KCNK2: variants seen among roughly 807,000 people sequenced by gnomAD.
KCNK2 encodes the protein potassium channel subfamily K member 2.
KCNK2 carries 21 observed loss-of-function variants against 40.5 expected under a neutral mutation model. The observed-to-expected ratio is 0.52, with a 90% CI of 0.37 to 0.75. KCNK2 has a LOEUF of 0.75. KCNK2 is among the 30% of genes least tolerant of loss of function. The pLI is 0.00. For missense variants in KCNK2, 399 were observed against 531.6 expected, an observed-to-expected ratio of 0.75 and a Z score of 2.45; for synonymous variants, 191 against 202.2, an observed-to-expected ratio of 0.94 and a Z score of 0.47.
chr1:215,084,737 T>C (rs1343286657), intron 1 of KCNK2, among the ~76,000 whole-genome samples: 1 of 152,190 alleles, frequency 6.6e-6, no homozygotes, highest in Non-Finnish European at 1.5e-5. Context: ...AACATGTGCA[T>C]TCCTCTGTGT....
rs142946098 is a variant in KCNK2, at chr1:215,093,216, T to A, written c.357+6538T>A. Among the ~76,000 whole-genome samples, 938 of 151,478 alleles carry A rather than the reference T, an allele frequency of 6.2e-3. 11 individuals are homozygous for A. Among genetic ancestry groups the A allele is most frequent in the African/African-American group, 0.022 (891 of 41,248 alleles). On this transcript the variant is annotated intron_variant, in intron 2 of 6. Coordinates refer to ENST00000444842, the MANE Select transcript of KCNK2 (RefSeq NM_001017425.3). ...CTGTAAGGACTAGAATCCAAAAGAT[T>A]TCAAGGATATTTACCTCATTTTAGG... is the stretch of plus-strand genomic sequence containing the variant.
intron 5 of KCNK2, among the ~76,000 whole-genome samples, chr1:215,178,444 A>G (rs563519510): frequency 6.6e-6 from 1 of 152,270 alleles, no homozygotes; most frequent in South Asian, 2.1e-4. Flanking sequence ...TCTGTTTTCA[A>G]GGGGAATGCT....
intron 6 of KCNK2, among the ~76,000 whole-genome samples, chr1:215,198,187 C>T (rs1664945121): frequency 1.3e-5 from 2 of 151,988 alleles, no homozygotes; most frequent in Admixed American, 1.3e-4. Flanking sequence ...TGGCATGTAC[C>T]TAATATTCTG....
At chr1:215,131,237 G>A (rs1474709053) in intron 3 of KCNK2, among the ~76,000 whole-genome samples, 1 of 150,936 alleles carries the variant, frequency 6.6e-6, no homozygotes, top group Non-Finnish European at 1.5e-5. Context: ...AATGACGTAT[G>A]GACAACTGTA....
At chr1:215,012,473 T>A (rs1199256112) in intron 1 of KCNK2, among the ~76,000 whole-genome samples, 2 of 125,370 alleles carry the variant, frequency 1.6e-5, no homozygotes, top group African/African-American at 2.9e-5. Flanking sequence ...TTTTTCTTTT[T>A]CTTTTTCTTT....
chr1:215,025,947 G>T (rs796884094), intron 1 of KCNK2, among the ~76,000 whole-genome samples: 83 of 152,080 alleles, frequency 5.5e-4, no homozygotes, highest in African/African-American at 2.0e-3. Context: ...TTCTTAAAAA[G>T]CTGTACCAAT....
rs963587672 is a variant in KCNK2, at chr1:215,014,411, T to C, written c.34+8456T>C. Among the ~76,000 whole-genome samples, 5 of 151,618 alleles carry C rather than the reference T, an allele frequency of 3.3e-5. No homozygotes were observed. The South Asian group carries it at 8.3e-4, about 25-fold the overall frequency. ...CTTTCTCCTGCTTGGTGTCAGTGTATTGATGGCCTCAAAAATGTCAAAAAT... is the reference window on the plus strand; with the variant it reads ...CTTTCTCCTGCTTGGTGTCAGTGTACTGATGGCCTCAAAAATGTCAAAAAT... On this transcript the variant is annotated intron_variant, in intron 1 of 6. Coordinates refer to the KCNK2 transcript ENST00000391895.
intron 1 of KCNK2, among the ~76,000 whole-genome samples, chr1:215,022,198 T>C (rs1656830018): frequency 6.6e-6 from 1 of 150,508 alleles, no homozygotes; most frequent in Non-Finnish European, 1.5e-5. Flanking sequence ...TAACAGTCAA[T>C]TTGGAATTTC....
At position 215,172,125 on chromosome 1, in the gene KCNK2, C is replaced by T. The variant is rs371463693; in HGVS notation, c.765C>T (p.Asp255=). 3.9e-5 allele frequency: 63 copies of T among 1,613,184 alleles called. No homozygotes were observed. In the South Asian group the frequency reaches 5.7e-4, roughly 15 times the overall value. The change falls in exon 5 of 7, where the codon GAC becomes GAT. Residue 255 remains aspartate, a synonymous_variant. Coordinates refer to ENST00000444842, the MANE Select transcript of KCNK2 (RefSeq NM_001017425.3). The part of the protein sequence containing the change: ...FKHIEGWSAL[D]AIYFVVITLT... ...ACATAGAAGGCTGGAGTGCCCTGGA[C>T]GCCATTTATTTTGTGGTTATCACTC... is the stretch of plus-strand genomic sequence containing the variant.
intron 6 of KCNK2, among the ~76,000 whole-genome samples, chr1:215,201,195 G>A (rs931930623): frequency 6.6e-6 from 1 of 152,148 alleles, no homozygotes; most frequent in African/African-American, 2.4e-5. Context: ...AAAGGCAAAG[G>A]CATCGAGGTT....
At chr1:215,005,886 CA>C (rs1177153695) in exon 1 of KCNK2, 1 of 1,607,904 alleles carries the variant, frequency 6.2e-7, no homozygotes, top group South Asian at 1.1e-5. Flanking sequence ...CATTAAAGAT[CA>C]AAAGCATGAT....
chr1:215,159,577 G>A (rs1663101224), intron 3 of KCNK2, among the ~76,000 whole-genome samples: 1 of 152,018 alleles, frequency 6.6e-6, no homozygotes, highest in East Asian at 1.9e-4. Context: ...TAATACAATT[G>A]GGGAGCATTT....
chr1:215,111,485 G>A (rs1660681413), intron 2 of KCNK2, among the ~76,000 whole-genome samples: 1 of 152,014 alleles, frequency 6.6e-6, no homozygotes, highest in African/African-American at 2.4e-5. Context: ...ACTATCAAAT[G>A]ATGTTTGTTG....
At chr1:215,222,168 C>G (rs555198474) in intron 6 of KCNK2, among the ~76,000 whole-genome samples, 1 of 152,314 alleles carries the variant, frequency 6.6e-6, no homozygotes, top group Admixed American at 6.5e-5. Context: ...AACATCTCCC[C>G]CCAGTCCCCA....
At chr1:215,010,818 C>T (rs1656348593) in intron 1 of KCNK2, among the ~76,000 whole-genome samples, 1 of 149,374 alleles carries the variant, frequency 6.7e-6, no homozygotes, top group Admixed American at 6.7e-5. Context: ...GCCTCACTCC[C>T]TCAGGGTAGG....
chr1:215,083,632 C>G, intron 1 of KCNK2: 3 of 607,048 alleles, frequency 4.9e-6, no homozygotes, highest in Non-Finnish European at 2.9e-6. Context: ...CCCCCTCTCC[C>G]GCCGGTGCCC....
chr1:215,220,140 A>G (rs1421814245), intron 6 of KCNK2, among the ~76,000 whole-genome samples: 4 of 152,160 alleles, frequency 2.6e-5, no homozygotes, highest in Non-Finnish European at 4.4e-5. Flanking sequence ...GCATATTTCC[A>G]TATCTGTTTA....
intron 2 of KCNK2, among the ~76,000 whole-genome samples, chr1:215,104,852 G>T (rs1160435161): frequency 1.3e-5 from 2 of 151,840 alleles, no homozygotes; most frequent in East Asian, 3.9e-4. Context: ...GGGGCTATGG[G>T]GTTTTTTTTC....
Position 215,083,221 on chromosome 1 carries a change from G to GCCCCCCCCCCCCC in KCNK2, c.-161_-160insCCCCCCCCCCCCC. The GCCCCCCCCCCCCC allele has an allele frequency of 5.6e-6, 3 of 537,722 alleles. No individual in the cohort carries two copies. Among genetic ancestry groups the GCCCCCCCCCCCCC allele is most frequent in the Non-Finnish European group, 5.4e-6 (2 of 372,914 alleles). The allele number at this position is 537,722 out of a possible 1,614,324, so 33.3% of individuals were successfully genotyped here. A position where few individuals can be genotyped will look rare whatever the true frequency, so the allele number is the denominator to read the frequency against. ...CCCCCCCCGCCCCCTCCCGCGTCCA[G>GCCCCCCCCCCCCC]CCCCGCTCTCCCCACCTTGTAAAAC... On this transcript the variant is annotated 5_prime_UTR_variant, in exon 1 of 7. Coordinates refer to ENST00000444842, the MANE Select transcript of KCNK2 (RefSeq NM_001017425.3).
Sources: gnomAD v4.1 joint callset for allele counts (sites outside exome capture counted in the v4.1 genomes callset) on GRCh38, gnomAD v4.1.1 for gene constraint, MANE v1.5 for transcripts, NCBI Gene and HGNC (gene_info 2026-07-23, HGNC 2026-07-21) for gene names.